Variants in GRID2 observed in about 807,000 individuals in gnomAD.
The protein encoded by GRID2 is glutamate ionotropic receptor delta type subunit 2.
GRID2 carries 33 observed loss-of-function variants against 114.8 expected under a neutral mutation model. The observed-to-expected ratio is 0.29, with a 90% CI of 0.22 to 0.38. The LOEUF is 0.38. GRID2 is among the 10% of genes least tolerant of loss of function. GRID2 has a pLI of 1.00. For missense variants in GRID2, 1,184 were observed against 1,257.7 expected (o/e 0.94, Z 0.89); for synonymous variants, 505 against 449.9 (o/e 1.12, Z -1.55).
intron 13 of GRID2, among the ~76,000 whole-genome samples, chr4:93,561,277 T>C (rs1734899809): frequency 6.6e-6 from 1 of 152,138 alleles, no homozygotes; most frequent in Non-Finnish European, 1.5e-5. Context: ...ATAAAAGAGA[T>C]TGTATGTTAG....
At chr4:92,593,833 A>C (rs1005763846) in intron 2 of GRID2, among the ~76,000 whole-genome samples, 1 of 148,520 alleles carries the variant, frequency 6.7e-6, no homozygotes, top group African/African-American at 2.5e-5. Context: ...TCAAACCTTA[A>C]CTCACGAGGT....
intron 2 of GRID2, among the ~76,000 whole-genome samples, chr4:92,666,650 G>GT (rs70942922): frequency 0.012 from 849 of 68,588 alleles, 30 homozygotes; most frequent in East Asian, 0.029. Context: ...CTTAAGGGTT[G>GT]TTTTTTTTTT....
intron 2 of GRID2, among the ~76,000 whole-genome samples, chr4:93,021,676 ATAAT>A (rs199501277): frequency 0.016 from 2,259 of 145,158 alleles, 22 homozygotes; most frequent in East Asian, 0.053. Context: ...TACTATAAAT[ATAAT>A]TATTTATAAT....
At chr4:92,941,489 A>G (rs908711570) in intron 2 of GRID2, among the ~76,000 whole-genome samples, 37 of 152,048 alleles carry the variant, frequency 2.4e-4, no homozygotes, top group Admixed American at 2.2e-3. Flanking sequence ...CTAGTGTTCT[A>G]TCAATTTTGT....
intron 2 of GRID2, among the ~76,000 whole-genome samples, chr4:92,919,061 CTTCCTGG>C (rs1163399687): frequency 3.3e-5 from 5 of 152,168 alleles, no homozygotes; most frequent in Admixed American, 2.0e-4. Flanking sequence ...GATTCAACTT[CTTCCTGG>C]TTTAGTCTTG....
chr4:93,395,827 T>G lies in GRID2; in HGVS notation c.1347+119T>G. ...GATTTTAACAAATTCTAAATACGCT[T>G]TCTAAGATTTTTTAATGGTCATATT... On this transcript the variant is annotated intron_variant, in intron 9 of 15. Coordinates refer to ENST00000282020, the MANE Select transcript of GRID2 (RefSeq NM_001510.4). 5.9e-6 allele frequency: 3 copies of G among 512,456 alleles called. No individual in the cohort carries two copies. The South Asian group carries it at 8.7e-5, about 15-fold the overall frequency. 31.7% of individuals were successfully genotyped at this position (512,456 alleles called of 1,614,324 possible).
intron 2 of GRID2, among the ~76,000 whole-genome samples, chr4:92,695,587 A>T (rs1734390984): frequency 6.6e-6 from 1 of 152,196 alleles, no homozygotes; most frequent in Admixed American, 6.5e-5. Flanking sequence ...ATGTGAAAAA[A>T]AAATAAAAGA....
chr4:92,774,232 A>G (rs1738678492), intron 2 of GRID2, among the ~76,000 whole-genome samples: 1 of 152,092 alleles, frequency 6.6e-6, no homozygotes, highest in African/African-American at 2.4e-5. Context: ...GGGGTGAGGC[A>G]TGGGATAGGC....
At chr4:93,747,670 A>G (rs1317253913) in intron 14 of GRID2, among the ~76,000 whole-genome samples, 1 of 152,172 alleles carries the variant, frequency 6.6e-6, no homozygotes, top group African/African-American at 2.4e-5. Context: ...TTGTTCAAGT[A>G]GGGAATAATA....
At chr4:93,595,028 C>G (rs145357879) in intron 13 of GRID2, among the ~76,000 whole-genome samples, 2 of 152,304 alleles carry the variant, frequency 1.3e-5, no homozygotes, top group Admixed American at 1.3e-4. Flanking sequence ...ATCGCTCAGG[C>G]TGGGAGCTGT....
intron 2 of GRID2, among the ~76,000 whole-genome samples, chr4:92,901,080 G>A (rs1373188135): frequency 1.3e-5 from 2 of 151,862 alleles, no homozygotes; most frequent in Non-Finnish European, 2.9e-5. Flanking sequence ...TTTAGCGGGG[G>A]GATTAGATAC....
intron 14 of GRID2, among the ~76,000 whole-genome samples, chr4:93,765,588 G>A (rs1225035152): frequency 7.1e-6 from 1 of 141,426 alleles, no homozygotes; most frequent in African/African-American, 2.7e-5. Flanking sequence ...ATTCCTATTA[G>A]AATTTAAATA....
At chr4:93,727,653 T>A (rs1318124446) in intron 14 of GRID2, among the ~76,000 whole-genome samples, 3 of 152,210 alleles carry the variant, frequency 2.0e-5, no homozygotes, top group African/African-American at 7.2e-5. Flanking sequence ...GATTATTGCC[T>A]CGATTTCAGA....
chr4:93,756,260 T>C (rs1732738952), intron 14 of GRID2, among the ~76,000 whole-genome samples: 2 of 152,130 alleles, frequency 1.3e-5, no homozygotes, highest in African/African-American at 2.4e-5. Flanking sequence ...ATTCCAAAAT[T>C]GGAAAAGTGC....
chr4:92,565,448 A>G (rs996064911), intron 1 of GRID2, among the ~76,000 whole-genome samples: 5 of 152,024 alleles, frequency 3.3e-5, no homozygotes, highest in Admixed American at 6.6e-5. Context: ...TCAAACTATT[A>G]TATCCCACAG....
intron 1 of GRID2, among the ~76,000 whole-genome samples, chr4:92,512,190 A>G (rs1483883422): frequency 6.6e-6 from 1 of 151,834 alleles, no homozygotes; most frequent in Admixed American, 6.6e-5. Flanking sequence ...ATGCTGTAGC[A>G]TGTTTCAGAA....
At chr4:92,457,528 T>A (rs1721277898) in intron 1 of GRID2, among the ~76,000 whole-genome samples, 1 of 152,172 alleles carries the variant, frequency 6.6e-6, no homozygotes, top group African/African-American at 2.4e-5. Context: ...AAGTCGGACT[T>A]AAGTATTTAG....
At chr4:92,961,772 A>G (rs1364494740) in intron 2 of GRID2, among the ~76,000 whole-genome samples, 1 of 150,346 alleles carries the variant, frequency 6.7e-6, no homozygotes, top group African/African-American at 2.4e-5. Context: ...TTTTTTTTTA[A>G]TTCTTCTTCT....
intron 1 of GRID2, among the ~76,000 whole-genome samples, chr4:92,499,607 G>A (rs1487767762): frequency 6.6e-6 from 1 of 151,898 alleles, no homozygotes; most frequent in Non-Finnish European, 1.5e-5. Context: ...TGAATGTTTT[G>A]TTTATTTATT....
Sources: gnomAD v4.1 joint callset for allele counts (sites outside exome capture counted in the v4.1 genomes callset) on GRCh38, gnomAD v4.1.1 for gene constraint, MANE v1.5 for transcripts, NCBI Gene and HGNC (gene_info 2026-07-23, HGNC 2026-07-21) for gene names.